Variants in C10orf90 observed in about 807,000 individuals in gnomAD.
C10orf90 encodes chromosome 10 open reading frame 90, also known as (E2-independent) E3 ubiquitin-conjugating enzyme FATS.
A neutral mutation model predicts 62.5 loss-of-function variants in C10orf90; 56 were observed. That is an observed-to-expected ratio of 0.90 (90% CI 0.72 to 1.12). The LOEUF (loss-of-function observed/expected upper bound fraction) is 1.12. C10orf90 is among the 50% of genes most tolerant of loss of function. The pLI is 0.00. For missense variants in C10orf90, 970 were observed against 880.4 expected (o/e 1.10, Z -1.29); for synonymous variants, 386 against 340.4 (o/e 1.13, Z -1.47).
chr10:126,605,838 A>T (rs1185324723), intron 2 of C10orf90, among the ~76,000 whole-genome samples: 1 of 152,116 alleles, frequency 6.6e-6, no homozygotes, highest in African/African-American at 2.4e-5. Context: ...ATGACATGGA[A>T]CTGCTAAAAG....
At chr10:126,465,297 C>T (rs1420037632) in intron 4 of C10orf90, among the ~76,000 whole-genome samples, 3 of 151,986 alleles carry the variant, frequency 2.0e-5, no homozygotes, top group African/African-American at 4.8e-5. Flanking sequence ...TTTCCAGCCT[C>T]ACCTATAAAA....
In C10orf90 at chr10:126,503,423, A is replaced by G. The variant is rs576976078; in HGVS notation, c.1534+534T>C. On this transcript the variant is annotated intron_variant, in intron 4 of 9. Coordinates refer to ENST00000488181, the MANE Select transcript of C10orf90 (RefSeq NM_001350921.2). ...ACTTGCCTAATTTAGAAAATGTCCT[A>G]TAATTATTATACACGCACACACGCA... Among the ~76,000 whole-genome samples, 8 of 152,314 alleles carry G rather than the reference A, an allele frequency of 5.3e-5. No homozygotes were observed. The South Asian group carries it at 1.5e-3, about 28-fold the overall frequency.
intron 4 of C10orf90, among the ~76,000 whole-genome samples, chr10:126,499,335 A>G (rs1187492221): frequency 1.3e-5 from 2 of 152,216 alleles, no homozygotes; most frequent in Non-Finnish European, 2.9e-5. Context: ...ATGGCCCGCA[A>G]AGCCAAACAC....
At chr10:126,557,277 T>C (rs530291898) in intron 2 of C10orf90, among the ~76,000 whole-genome samples, 11 of 151,838 alleles carry the variant, frequency 7.2e-5, no homozygotes, top group South Asian at 2.1e-4. Context: ...GTTGGGAGAT[T>C]GAGACCATCC....
chr10:126,623,041 A>G (rs1462673497), intron 2 of C10orf90, among the ~76,000 whole-genome samples: 1 of 152,204 alleles, frequency 6.6e-6, no homozygotes, highest in Admixed American at 6.5e-5. Context: ...GTTAGAGACA[A>G]TGGCACAGGC....
In C10orf90 at chr10:126,565,056, TAA is replaced by T. The variant is rs373157850; in HGVS notation, c.314-51119_314-51118del. Among the ~76,000 whole-genome samples the T allele has an allele frequency of 1.4e-3, 37 of 26,424 alleles. 2 individuals are homozygous for T. Among genetic ancestry groups the T allele is most frequent in the African/African-American group, 4.3e-3 (35 of 8,132 alleles). 17.3% of individuals were successfully genotyped at this position (26,424 alleles called of 152,430 possible). ...TATAAAATATATAATATATAATATA[TAA>T]AATATATATTATATATAATATATAA... On this transcript the variant is annotated intron_variant, in intron 2 of 9. Transcript: ENST00000488181.
chr10:126,489,259 G>A (rs1477458059), intron 4 of C10orf90, among the ~76,000 whole-genome samples: 1 of 152,014 alleles, frequency 6.6e-6, no homozygotes, highest in Non-Finnish European at 1.5e-5. Context: ...TTTATAAAAT[G>A]AAGAAAGAAA....
intron 4 of C10orf90, among the ~76,000 whole-genome samples, chr10:126,485,872 G>T (rs533035907): frequency 6.6e-6 from 1 of 151,878 alleles, no homozygotes; most frequent in African/African-American, 2.4e-5. Flanking sequence ...GCATGAACCC[G>T]GGAGGCGGAG....
chr10:126,493,648 G>A lies in C10orf90; in HGVS notation c.1534+10309C>T, dbSNP rs1005250649. Among the ~76,000 whole-genome samples, 3 of 152,264 alleles carry A rather than the reference G, an allele frequency of 2.0e-5. No individual in the cohort carries two copies. In the South Asian group the frequency reaches 6.2e-4, roughly 32 times the overall value. On this transcript the variant is annotated intron_variant, in intron 4 of 9. Transcript: ENST00000488181. ...TGGGATTACAGGAGTGAGCAGCCAA[G>A]CCTGGCTGTGTTTTGCTTTTTCAAT...
chr10:126,452,972 G>A (rs1859302658), intron 7 of C10orf90, among the ~76,000 whole-genome samples: 1 of 152,222 alleles, frequency 6.6e-6, no homozygotes, highest in Admixed American at 6.5e-5. Context: ...AGTGCAGCCT[G>A]TGCTCAGTGA....
chr10:126,660,947 A>T (rs1045678029), intron 1 of C10orf90, among the ~76,000 whole-genome samples: 2 of 152,198 alleles, frequency 1.3e-5, no homozygotes, highest in African/African-American at 4.8e-5. Context: ...TTTTGGAAAC[A>T]CTTAACGTGG....
chr10:126,562,082 G>GTGGC (rs2133988928), intron 2 of C10orf90, among the ~76,000 whole-genome samples: 1 of 152,300 alleles, frequency 6.6e-6, no homozygotes, highest in East Asian at 1.9e-4. Context: ...CTCTGCCCAA[G>GTGGC]TGGCGACAGG....
chr10:126,449,035 A>G (rs1858987529), intron 7 of C10orf90, among the ~76,000 whole-genome samples: 1 of 152,220 alleles, frequency 6.6e-6, no homozygotes, highest in African/African-American at 2.4e-5. Context: ...AATTCATTTT[A>G]TGAGGCCATC....
At chr10:126,665,115 T>C (rs12412594) in intron 1 of C10orf90, among the ~76,000 whole-genome samples, 13,868 of 152,056 alleles carry the variant, frequency 0.091, 815 homozygotes, top group South Asian at 0.17. Context: ...GTTGGCAGAG[T>C]GGCAGAGCTC....
chr10:126,495,333 A>G (rs1861985193), intron 4 of C10orf90, among the ~76,000 whole-genome samples: 1 of 152,088 alleles, frequency 6.6e-6, no homozygotes, highest in African/African-American at 2.4e-5. Flanking sequence ...TGTGTTTTGA[A>G]AACGTACCCC....
intron 1 of C10orf90, among the ~76,000 whole-genome samples, chr10:126,662,145 G>A (rs1348023197): frequency 6.6e-6 from 1 of 152,004 alleles, no homozygotes; most frequent in Non-Finnish European, 1.5e-5. Context: ...TTGAGGAATG[G>A]CTTGATTATT....
intron 7 of C10orf90, 114 bp from the exon 8 acceptor site, chr10:126,429,964 C>A: frequency 1.1e-6 from 1 of 940,318 alleles, no homozygotes; most frequent in South Asian, 1.5e-5. Context: ...TAAGCCATAT[C>A]CTGAGTCTAA....
chr10:126,645,625 T>A (rs1343489617), intron 2 of C10orf90, among the ~76,000 whole-genome samples: 1 of 150,840 alleles, frequency 6.6e-6, no homozygotes, highest in East Asian at 1.9e-4. Flanking sequence ...CTGTAAACCA[T>A]GCTTCGGGAC....
chr10:126,633,857 C>T (rs1334089674), intron 2 of C10orf90, among the ~76,000 whole-genome samples: 2 of 152,136 alleles, frequency 1.3e-5, no homozygotes, highest in Non-Finnish European at 2.9e-5. Flanking sequence ...ATATCATGTG[C>T]TGCTAATTTA....
Sources: gnomAD v4.1 joint callset for allele counts (sites outside exome capture counted in the v4.1 genomes callset) on GRCh38, gnomAD v4.1.1 for gene constraint, MANE v1.5 for transcripts, NCBI Gene and HGNC (gene_info 2026-07-23, HGNC 2026-07-21) for gene names.